Variants in SLC46A3 observed in about 807,000 individuals in gnomAD.
SLC46A3 encodes the protein lysosomal proton-coupled steroid conjugate and bile acid symporter SLC46A3.
A neutral mutation model predicts 38.5 loss-of-function variants in SLC46A3; 26 were observed. The observed-to-expected ratio is 0.68, with a 90% CI of 0.49 to 0.94. The LOEUF is 0.94. Among genes scored for constraint, SLC46A3 ranks in the 40% least tolerant of loss-of-function variants. The probability of loss-of-function intolerance (pLI) is 0.00; values close to 1 mark genes in which losing one functional copy is unlikely to be tolerated. For missense variants in SLC46A3, 510 were observed against 544.3 expected, an observed-to-expected ratio of 0.94 and a Z score of 0.63; for synonymous variants, 185 against 192.5, an observed-to-expected ratio of 0.96 and a Z score of 0.32.
chr13:28,711,507 G>C (rs1337438625), intron 3 of SLC46A3, among the ~76,000 whole-genome samples: 1 of 150,986 alleles, frequency 6.6e-6, no homozygotes, highest in East Asian at 1.9e-4. Context: ...AATTGAGACT[G>C]CTAATTCATT....
chr13:28,707,566 T>G (rs781380378), intron 4 of SLC46A3, among the ~76,000 whole-genome samples: 2 of 152,070 alleles, frequency 1.3e-5, no homozygotes, highest in African/African-American at 4.8e-5. Context: ...ATAAAAAAAA[T>G]TTTAAAAAGC....
chr13:28,714,254 CT>C (rs1057308313), intron 2 of SLC46A3, among the ~76,000 whole-genome samples: 13 of 149,852 alleles, frequency 8.7e-5, no homozygotes, highest in African/African-American at 3.2e-4. Context: ...CCTTTATTTA[CT>C]AAATAAAAGA....
intron 3 of SLC46A3, 86 bp from the exon 4 acceptor site, chr13:28,710,929 A>G (rs1470753588): frequency 1.1e-6 from 1 of 917,692 alleles, no homozygotes; most frequent in Non-Finnish European, 1.7e-6. Context: ...CTCTGTCTAA[A>G]TACTTCCTTT....
chr13:28,700,779 A>C lies in SLC46A3; in HGVS notation c.*718T>G. The C allele has an allele frequency of 1.8e-6, 1 of 542,820 alleles. No homozygotes were observed. Among genetic ancestry groups the C allele is most frequent in the Admixed American group, 3.4e-5 (1 of 29,524 alleles). The allele number at this position is 542,820 out of a possible 1,614,324, so 33.6% of individuals were successfully genotyped here. Reference sequence around the variant, plus strand: ...TTTCCCAATTACCCATTACATATAGAAATATTATCATGCCTGTCACCGATG... The same window carrying C: ...TTTCCCAATTACCCATTACATATAGCAATATTATCATGCCTGTCACCGATG... On this transcript the variant is annotated 3_prime_UTR_variant, in exon 6 of 6. Coordinates refer to ENST00000266943, the MANE Select transcript of SLC46A3 (RefSeq NM_181785.4).
intron 2 of SLC46A3, among the ~76,000 whole-genome samples, chr13:28,717,486 T>A (rs1164554778): frequency 0.01 from 207 of 19,750 alleles, 21 homozygotes; most frequent in East Asian, 0.018. Flanking sequence ...ATTTTCAGAC[T>A]TTTTTTTTTT....
chr13:28,713,157 CT>C lies in SLC46A3; in HGVS notation c.582del (p.Gly195ValfsTer7), dbSNP rs1262356564. On this transcript the variant is annotated frameshift_variant, in exon 3 of 6. Transcript: ENST00000266943. LOFTEE classifies it high-confidence loss of function. ...ATAATTAGAAACGACCACTCAAAAC[CT>C]AGCTCTCTAATAAAATAGCCAGATG... ...GLSSGYFIRELGFEWSFLIIA... is the reference protein window; with the variant it reads ...GLSSGYFIREXGFEWSFLIIA... 3 of 1,613,910 alleles carry C rather than the reference CT, an allele frequency of 1.9e-6. No homozygotes were observed. The highest frequency in any genetic ancestry group is 1.3e-5 in the African/African-American group (1 of 74,912).
chr13:28,712,184 A>C (rs1885362817), intron 3 of SLC46A3, among the ~76,000 whole-genome samples: 1 of 152,246 alleles, frequency 6.6e-6, no homozygotes, highest in South Asian at 2.1e-4. Context: ...CTAATTTGCC[A>C]ACCAGCAATT....
rs761372140 is a variant in SLC46A3 at position 28,712,769 on chromosome 13, T to A, written c.971A>T (p.Asp324Val). 1 of 1,613,016 alleles carries A rather than the reference T, an allele frequency of 6.2e-7. No homozygotes were observed. Among genetic ancestry groups the A allele is most frequent in the Non-Finnish European group, 8.5e-7 (1 of 1,179,746 alleles). The change falls in exon 3 of 6, where the codon GAT becomes GTT. Residue 324 changes from aspartate (D) to valine (V), a missense_variant. Asp to Val is a radical substitution (Grantham distance 152). Transcript: ENST00000266943. ...AATCCCAATGAAGGCCATATGAATATCTTCCATACAATAAGAAAAAAGCCA... is the reference window on the plus strand; with the variant it reads ...AATCCCAATGAAGGCCATATGAATAACTTCCATACAATAAGAAAAAAGCCA... The part of the protein sequence containing the change: ...GIWLFSYCME[D>V]IHMAFIGIFT...
rs1427543329 is a variant in SLC46A3, at chr13:28,704,102, G to A, written c.1145-3C>T. 1.2e-6 allele frequency: 2 copies of A among 1,606,452 alleles called. No homozygotes were observed. ...AGCAATACAAGCAAACAGGGTACCT[G>A]TTTGGAGTAGGGATAGAGAGAGAGG... is the stretch of plus-strand genomic sequence containing the variant. On this transcript the variant is annotated splice_polypyrimidine_tract_variant and splice_region_variant and intron_variant, in intron 4 of 5. Coordinates refer to ENST00000266943, the MANE Select transcript of SLC46A3 (RefSeq NM_181785.4).
chr13:28,710,937 T>G, intron 3 of SLC46A3, 94 bp from the exon 4 acceptor site: 1 of 845,738 alleles, frequency 1.2e-6, no homozygotes. Context: ...AAATACTTCC[T>G]TTTCTACAAG....
At position 28,710,771 on chromosome 13, in the gene SLC46A3, G is replaced by A. The variant is rs1029954192; in HGVS notation, c.1133C>T (p.Ser378Leu). Residue 378 changes from serine to leucine, a missense_variant, in exon 4 of 6, where the codon TCG (serine) becomes TTG (leucine). By Grantham distance (145) the Ser-to-Leu change is moderately radical. Coordinates refer to ENST00000266943, the MANE Select transcript of SLC46A3 (RefSeq NM_181785.4). ...CAAATTAAACTCACCTTGTTCAGTC[G>A]AACGAACCACTTTTGACAACATGGA... ...LRSMLSKVVR[S>L]TEQGTLFACI... 1.1e-5 allele frequency: 18 copies of A among 1,612,980 alleles called. No homozygotes were observed. Among genetic ancestry groups the A allele is most frequent in the Admixed American group, 3.3e-5 (2 of 59,928 alleles).
intron 4 of SLC46A3, 44 bp from the exon 5 acceptor site, chr13:28,704,143 A>T (rs1230487982): frequency 1.9e-6 from 3 of 1,547,906 alleles, no homozygotes; most frequent in South Asian, 2.4e-5. Flanking sequence ...AAAAAGGCAG[A>T]ATTACAAAAC....
intron 2 of SLC46A3, among the ~76,000 whole-genome samples, chr13:28,717,014 C>A (rs1885545954): frequency 6.6e-6 from 1 of 151,494 alleles, no homozygotes; most frequent in South Asian, 2.1e-4. Context: ...ATTTCCAAAC[C>A]TGGATACTAT....
At position 28,712,788 on chromosome 13, in the gene SLC46A3, A is replaced by C; in HGVS notation, c.952T>G (p.Phe318Val). ...TGAATATCTTCCATACAATAAGAAA[A>C]AAGCCATATTCCTAGGAAACTAGTC... is the stretch of plus-strand genomic sequence containing the variant. ...FLTSFLGIWL[F>V]SYCMEDIHMA... Residue 318 changes from phenylalanine to valine, a missense_variant, in exon 3 of 6, where the codon TTT becomes GTT. Coordinates refer to ENST00000266943, the MANE Select transcript of SLC46A3 (RefSeq NM_181785.4). 2 of 1,613,776 alleles carry C rather than the reference A, an allele frequency of 1.2e-6. No homozygotes were observed. The highest frequency in any genetic ancestry group is 2.2e-5 in the South Asian group (2 of 90,978).
chr13:28,708,624 T>C (rs1415953421), intron 4 of SLC46A3, among the ~76,000 whole-genome samples: 1 of 148,578 alleles, frequency 6.7e-6, no homozygotes, highest in Non-Finnish European at 1.5e-5. Flanking sequence ...CTTTTTTTTT[T>C]TTTTTTTTGT....
chr13:28,716,067 C>A lies in SLC46A3; in HGVS notation c.189+1743G>T, dbSNP rs145957592. On this transcript the variant is annotated intron_variant, in intron 2 of 5. Coordinates refer to ENST00000266943, the MANE Select transcript of SLC46A3 (RefSeq NM_181785.4). ...ACTCAGGAGGCTGAGGTGAGAGGAT[C>A]CCTTGAGCCTAGGAGTTCAAAGTTG... Among the ~76,000 whole-genome samples the A allele has an allele frequency of 7.9e-3, 1,200 of 151,990 alleles. 13 individuals are homozygous for A. Among genetic ancestry groups the A allele is most frequent in the African/African-American group, 0.028 (1,148 of 41,448 alleles).
rs1367696290 is a variant in SLC46A3, at chr13:28,701,300, G to A, written c.*197C>T. On this transcript the variant is annotated 3_prime_UTR_variant, in exon 6 of 6. Coordinates refer to ENST00000266943, the MANE Select transcript of SLC46A3 (RefSeq NM_181785.4). ...GTATTGCAAGTATATTGCATGATAC[G>A]CACAAAGTGCTCAAAGTGCGTGGTA... 10 of 1,414,068 alleles carry A rather than the reference G, an allele frequency of 7.1e-6. No homozygotes were observed. The African/African-American group carries it at 7.2e-5, about 10-fold the overall frequency. 87.6% of individuals were successfully genotyped at this position (1,414,068 alleles called of 1,614,324 possible).
At chr13:28,714,193 ATTT>A (rs77683201) in intron 2 of SLC46A3, among the ~76,000 whole-genome samples, 1 of 143,846 alleles carries the variant, frequency 7.0e-6, no homozygotes, top group African/African-American at 2.6e-5. Flanking sequence ...TGTTGCCCTT[ATTT>A]TTTTTTTTTA....
intron 3 of SLC46A3, among the ~76,000 whole-genome samples, chr13:28,712,431 A>G (rs191292979): frequency 4.6e-5 from 7 of 152,344 alleles, no homozygotes; most frequent in African/African-American, 1.2e-4. Context: ...CATAAGAAGA[A>G]TGTTCCTCAA....
Sources: allele counts gnomAD v4.1 joint callset (sites outside exome capture counted in the v4.1 genomes callset), GRCh38; gene constraint gnomAD v4.1.1; transcripts MANE v1.5; gene names NCBI Gene and HGNC (gene_info 2026-07-23, HGNC 2026-07-21).